Variants in FRS2 observed in about 807,000 individuals in gnomAD.
FRS2 encodes the protein FGFR signalling adaptor.
Under a neutral mutation model 43.9 loss-of-function variants are expected in FRS2, and 8 were observed. The ratio of observed to expected loss-of-function variants is 0.18; its 90% CI spans 0.11 to 0.33. The LOEUF is 0.33. Among genes scored for constraint, FRS2 ranks in the 10% least tolerant of loss-of-function variants. The pLI is 1.00. For synonymous variants in FRS2, 219 were observed against 220.3 expected (o/e 0.99, Z 0.05); for missense variants, 534 against 627.6 (o/e 0.85, Z 1.59).
chr12:69,534,238 A>G (rs1182397826), intron 3 of FRS2, among the ~76,000 whole-genome samples: 9 of 152,214 alleles, frequency 5.9e-5, no homozygotes, highest in Non-Finnish European at 1.0e-4. Context: ...ATACACAAAA[A>G]TGTGGATTGT....
rs776923964 is a variant in FRS2, at chr12:69,577,370, T to C, written c.*2415T>C. On this transcript the variant is annotated 3_prime_UTR_variant, in exon 9 of 9. Coordinates refer to ENST00000549921, the MANE Select transcript of FRS2 (RefSeq NM_001278356.2). ...ATAAAAGGTAATTTAGAATACTACT[T>C]GTCCTTTGCAGTAGTTTAGTAATGG... The C allele has an allele frequency of 6.6e-6, 1 of 152,264 alleles. No individual in the cohort carries two copies. The highest frequency in any genetic ancestry group is 2.1e-4 in the South Asian group (1 of 4,820). The allele number at this position is 152,264 out of a possible 1,614,324, so 9.4% of individuals were successfully genotyped here.
chr12:69,551,856 G>A (rs1483636036), intron 3 of FRS2, among the ~76,000 whole-genome samples: 1 of 152,110 alleles, frequency 6.6e-6, no homozygotes, highest in Admixed American at 6.5e-5. Flanking sequence ...TGTGTTGATA[G>A]TTCTTTCATT....
intron 3 of FRS2, among the ~76,000 whole-genome samples, chr12:69,532,279 C>G (rs1876874868): frequency 6.6e-6 from 1 of 152,142 alleles, no homozygotes; most frequent in Non-Finnish European, 1.5e-5. Context: ...AAGTAGTCAC[C>G]TTTAAAATTC....
chr12:69,555,253 C>T (rs2135750527), intron 3 of FRS2, among the ~76,000 whole-genome samples: 1 of 151,992 alleles, frequency 6.6e-6, no homozygotes, highest in South Asian at 2.1e-4. Flanking sequence ...ATCATGTTGG[C>T]CAGGCTGGTC....
chr12:69,494,778 T>C (rs1872734766), intron 1 of FRS2, among the ~76,000 whole-genome samples: 1 of 152,074 alleles, frequency 6.6e-6, no homozygotes, highest in Non-Finnish European at 1.5e-5. Flanking sequence ...GATTTTTGTT[T>C]TGTTTTGTTT....
chr12:69,522,727 A>G (rs1277655054), intron 1 of FRS2, among the ~76,000 whole-genome samples: 3 of 152,120 alleles, frequency 2.0e-5, no homozygotes, highest in Admixed American at 6.6e-5. Context: ...TTATGTGAGC[A>G]TTTAGTGCTA....
chr12:69,519,519 A>G (rs1483342082), intron 1 of FRS2, among the ~76,000 whole-genome samples: 1 of 152,120 alleles, frequency 6.6e-6, no homozygotes, highest in Non-Finnish European at 1.5e-5. Flanking sequence ...TAAGCCTAGT[A>G]CCCAATAGTT....
chr12:69,556,345 C>CT (rs760512474), intron 3 of FRS2, among the ~76,000 whole-genome samples: 56 of 146,550 alleles, frequency 3.8e-4, no homozygotes, highest in African/African-American at 8.9e-4. Context: ...TTCTTTCTTT[C>CT]TTTTTTTTTT....
At chr12:69,524,021 G>A (rs1875950885) in intron 1 of FRS2, among the ~76,000 whole-genome samples, 3 of 152,302 alleles carry the variant, frequency 2.0e-5, no homozygotes, top group Non-Finnish European at 2.9e-5. Context: ...AGCCAGCGCC[G>A]GGGTGCCAGC....
intron 1 of FRS2, among the ~76,000 whole-genome samples, chr12:69,517,140 T>G (rs1384817253): frequency 3.3e-5 from 5 of 152,216 alleles, no homozygotes; most frequent in African/African-American, 1.2e-4. Flanking sequence ...AGTTACCTTT[T>G]CTGTGTGCAG....
chr12:69,478,948 C>CT lies in FRS2; in HGVS notation c.-261+8432dup, dbSNP rs75219491. Among the ~76,000 whole-genome samples, 1,087 of 140,914 alleles carry CT rather than the reference C, an allele frequency of 7.7e-3. 7 individuals carry two copies. The highest frequency in any genetic ancestry group is 0.02 in the African/African-American group (779 of 38,680). The allele number at this position is 140,914 out of a possible 152,430, so 92.4% of individuals were successfully genotyped here. A position where few individuals can be genotyped will look rare whatever the true frequency, so the allele number is the denominator to read the frequency against. On this transcript the variant is annotated intron_variant, in intron 1 of 8. Coordinates refer to ENST00000549921, the MANE Select transcript of FRS2 (RefSeq NM_001278356.2). The stretch of plus-strand genomic sequence containing the variant: ...TTTTGTTTTAATTTTATATGAATGT[C>CT]TTTTTTTTTTTTTTAACATTTCCCT...
Position 69,515,573 on chromosome 12 carries a change from T to C in FRS2, c.-260-15292T>C, listed in dbSNP as rs573904639. Among the ~76,000 whole-genome samples the C allele has an allele frequency of 2.0e-5, 3 of 152,172 alleles. No individual in the cohort carries two copies. The South Asian group carries it at 6.2e-4, about 32-fold the overall frequency. ...AAAAACATCCCTCGCGCTCTCTTGC[T>C]GTCTCTCTCTCTCACACACATACAC... On this transcript the variant is annotated intron_variant, in intron 1 of 8. Coordinates refer to ENST00000549921, the MANE Select transcript of FRS2 (RefSeq NM_001278356.2).
chr12:69,487,487 G>A (rs1276534301), intron 1 of FRS2, among the ~76,000 whole-genome samples: 1 of 152,158 alleles, frequency 6.6e-6, no homozygotes, highest in Non-Finnish European at 1.5e-5. Flanking sequence ...TAAGCCCACT[G>A]TTGAGACCTA....
At chr12:69,492,882 C>T (rs1434011586) in intron 1 of FRS2, among the ~76,000 whole-genome samples, 6 of 152,176 alleles carry the variant, frequency 3.9e-5, no homozygotes, top group African/African-American at 1.2e-4. Context: ...GTCTAAATTT[C>T]TCAGTCTGTT....
intron 1 of FRS2, among the ~76,000 whole-genome samples, chr12:69,482,224 A>G (rs889587206): frequency 2.0e-5 from 3 of 152,224 alleles, no homozygotes; most frequent in Non-Finnish European, 4.4e-5. Flanking sequence ...AGGAAATTCT[A>G]AAGCATTAGG....
intron 1 of FRS2, among the ~76,000 whole-genome samples, chr12:69,523,231 T>G (rs1200294606): frequency 6.6e-6 from 1 of 152,236 alleles, no homozygotes; most frequent in Non-Finnish European, 1.5e-5. Flanking sequence ...TTTGAAGATC[T>G]CTTAAGAACC....
At chr12:69,504,644 A>G (rs1023392720) in intron 1 of FRS2, among the ~76,000 whole-genome samples, 3 of 152,260 alleles carry the variant, frequency 2.0e-5, no homozygotes, top group African/African-American at 7.2e-5. Context: ...ATAGATTATT[A>G]TAATTTAATA....
At chr12:69,560,912 C>T (rs1879821624) in intron 3 of FRS2, among the ~76,000 whole-genome samples, 1 of 152,058 alleles carries the variant, frequency 6.6e-6, no homozygotes, top group Non-Finnish European at 1.5e-5. Flanking sequence ...ATAGGTAGAT[C>T]ACTATCATTT....
chr12:69,556,086 A>G (rs1043775116), intron 3 of FRS2, among the ~76,000 whole-genome samples: 5 of 151,806 alleles, frequency 3.3e-5, no homozygotes, highest in Non-Finnish European at 7.4e-5. Flanking sequence ...AAAAAATTAG[A>G]GATGATGTCC....
Sources: allele counts gnomAD v4.1 joint callset (sites outside exome capture counted in the v4.1 genomes callset), GRCh38; gene constraint gnomAD v4.1.1; transcripts MANE v1.5; gene names NCBI Gene and HGNC (gene_info 2026-07-23, HGNC 2026-07-21).